NELL1: variants seen among roughly 807,000 people sequenced by gnomAD.
NELL1 encodes the protein neural EGFL like 1, also known as protein kinase C-binding protein NELL1.
A neutral mutation model predicts 107.4 loss-of-function variants in NELL1; 76 were observed. The ratio of observed to expected loss-of-function variants is 0.71; its 90% CI spans 0.59 to 0.86. The LOEUF is 0.86. Ranked by LOEUF, NELL1 falls within the 40% of genes least tolerant of loss-of-function variation. The pLI, the probability that NELL1 is intolerant of heterozygous loss-of-function variation, is 0.00. For missense variants in NELL1, 1,024 were observed against 1,005.5 expected (o/e 1.02, Z -0.25); for synonymous variants, 353 against 341.2 (o/e 1.03, Z -0.38).
intron 15 of NELL1, among the ~76,000 whole-genome samples, chr11:21,409,374 T>C (rs1188732688): frequency 2.0e-5 from 3 of 151,890 alleles, no homozygotes; most frequent in Non-Finnish European, 2.9e-5. Context: ...AGGTGGGAAT[T>C]GAACAATGAG....
At chr11:20,880,973 A>C (rs1307662798) in intron 4 of NELL1, among the ~76,000 whole-genome samples, 1 of 152,182 alleles carries the variant, frequency 6.6e-6, no homozygotes, top group Non-Finnish European at 1.5e-5. Context: ...AGTGGGGCAC[A>C]ACCTTTCCAC....
At chr11:20,794,349 G>A (rs74604750) in intron 3 of NELL1, among the ~76,000 whole-genome samples, 5,106 of 152,228 alleles carry the variant, frequency 0.034, 274 homozygotes, top group African/African-American at 0.12. Context: ...GGTTTCTCCA[G>A]GTAATAATCT....
rs938543083 is a variant in NELL1, at chr11:20,810,523, T to C, written c.335+26693T>C. ...CTTAGAATAATAGTCTCCAATCTCA[T>C]CCAGATCACTGCAAATGCTGTTAAT... On this transcript the variant is annotated intron_variant, in intron 3 of 19. Transcript: ENST00000357134. Among the ~76,000 whole-genome samples, 5 of 152,362 alleles carry C rather than the reference T, an allele frequency of 3.3e-5. No individual in the cohort carries two copies. In the East Asian group the frequency reaches 9.6e-4, roughly 29 times the overall value.
At chr11:21,289,012 GCTTAATGCC>G (rs758483992) in intron 14 of NELL1, among the ~76,000 whole-genome samples, 1 of 152,170 alleles carries the variant, frequency 6.6e-6, no homozygotes, top group Non-Finnish European at 1.5e-5. Flanking sequence ...CATGAAAGTT[GCTTAATGCC>G]CTTTCTACTA....
chr11:20,918,300 A>G, intron 6 of NELL1, 46 bp downstream of exon 6: 1 of 1,168,498 alleles, frequency 8.6e-7, no homozygotes, highest in Non-Finnish European at 1.3e-6. Flanking sequence ...TAACTTGTTG[A>G]TTGTATCAGA....
At chr11:21,213,438 A>AT (rs772297678) in intron 13 of NELL1, among the ~76,000 whole-genome samples, 37 of 152,130 alleles carry the variant, frequency 2.4e-4, no homozygotes, top group Admixed American at 3.3e-4. Flanking sequence ...AATATTAAGG[A>AT]TTTTTTTATA....
At chr11:20,990,787 G>GT (rs1554955356) in intron 12 of NELL1, among the ~76,000 whole-genome samples, 1 of 152,116 alleles carries the variant, frequency 6.6e-6, no homozygotes, top group Non-Finnish European at 1.5e-5. Context: ...GCACCTAATT[G>GT]TTTTTTTAAC....
intron 4 of NELL1, among the ~76,000 whole-genome samples, chr11:20,867,360 G>A (rs1231877706): frequency 6.6e-6 from 1 of 152,152 alleles, no homozygotes; most frequent in African/African-American, 2.4e-5. Context: ...GAAAGCAGCT[G>A]GGCACATAGT....
At chr11:20,839,232 G>C (rs978965587) in intron 3 of NELL1, among the ~76,000 whole-genome samples, 1 of 152,130 alleles carries the variant, frequency 6.6e-6, no homozygotes, top group Non-Finnish European at 1.5e-5. Flanking sequence ...GAACAGTTTT[G>C]AATGGGCATA....
intron 14 of NELL1, among the ~76,000 whole-genome samples, chr11:21,257,195 C>G (rs1858791513): frequency 6.6e-6 from 1 of 151,916 alleles, no homozygotes; most frequent in Non-Finnish European, 1.5e-5. Context: ...TAGAACTCTT[C>G]ATGTTCCAGT....
intron 2 of NELL1, among the ~76,000 whole-genome samples, chr11:20,757,954 T>C (rs1024018147): frequency 2.0e-5 from 3 of 152,172 alleles, no homozygotes; most frequent in Non-Finnish European, 4.4e-5. Context: ...TTCAGCATGG[T>C]CAGGTTCTGG....
chr11:21,452,475 T>G (rs1853612169), intron 15 of NELL1, among the ~76,000 whole-genome samples: 1 of 152,114 alleles, frequency 6.6e-6, no homozygotes, highest in African/African-American at 2.4e-5. Flanking sequence ...TTTATTGACA[T>G]ACAGTTTTTT....
chr11:20,762,100 T>C (rs561609021), intron 2 of NELL1, among the ~76,000 whole-genome samples: 2 of 152,188 alleles, frequency 1.3e-5, no homozygotes, highest in Non-Finnish European at 2.9e-5. Flanking sequence ...TTAGAGTCAA[T>C]TGTTTGATGT....
intron 14 of NELL1, among the ~76,000 whole-genome samples, chr11:21,325,122 A>G (rs903803024): frequency 3.3e-5 from 5 of 152,252 alleles, no homozygotes; most frequent in Admixed American, 2.6e-4. Context: ...TAAAATACAA[A>G]AAAGTACAAA....
Position 21,213,925 on chromosome 11 carries a change from C to T in NELL1, c.1427-15407C>T, listed in dbSNP as rs563800619. On this transcript the variant is annotated intron_variant, in intron 13 of 19. Coordinates refer to ENST00000357134, the MANE Select transcript of NELL1 (RefSeq NM_006157.5). ...TGGAACCTAAGGTTAGAGAAGAGTT[C>T]TTGGACATTACATTAAAAGCACTAT... Among the ~76,000 whole-genome samples, 7 of 152,192 alleles carry T rather than the reference C, an allele frequency of 4.6e-5. No individual in the cohort carries two copies. The East Asian group carries it at 7.7e-4, about 17-fold the overall frequency.
intron 14 of NELL1, among the ~76,000 whole-genome samples, chr11:21,254,860 T>A (rs1255611951): frequency 6.6e-6 from 1 of 152,124 alleles, no homozygotes; most frequent in Non-Finnish European, 1.5e-5. Flanking sequence ...TGTGGTTGCA[T>A]GGAGTTCAGA....
At chr11:20,904,802 A>C (rs1448280778) in intron 5 of NELL1, among the ~76,000 whole-genome samples, 2 of 150,606 alleles carry the variant, frequency 1.3e-5, no homozygotes, top group Non-Finnish European at 3.0e-5. Context: ...CCCTGTCAAA[A>C]TTTTTTTTTA....
At chr11:20,850,882 TA>T (rs1306175662) in intron 4 of NELL1, among the ~76,000 whole-genome samples, 3 of 152,208 alleles carry the variant, frequency 2.0e-5, no homozygotes, top group African/African-American at 7.2e-5. Flanking sequence ...ACAGTTTTAC[TA>T]GATGCATTTT....
chr11:21,372,029 A>T lies in NELL1; in HGVS notation c.1645+1081A>T, dbSNP rs114780452. On this transcript the variant is annotated intron_variant, in intron 15 of 19. Coordinates refer to ENST00000357134, the MANE Select transcript of NELL1 (RefSeq NM_006157.5). The stretch of plus-strand genomic sequence containing the variant: ...AGGTAACTAAAATTGTTCAGTAAGG[A>T]AGTCAGTGAACAATATTTGCACCAC... 5.9e-3 allele frequency among the ~76,000 whole-genome samples: 902 copies of T among 152,196 alleles called. 4 individuals are homozygous for T. The highest frequency in any genetic ancestry group is 0.02 in the African/African-American group (843 of 41,562).
Sources: allele counts gnomAD v4.1 joint callset (sites outside exome capture counted in the v4.1 genomes callset), GRCh38; gene constraint gnomAD v4.1.1; transcripts MANE v1.5; gene names NCBI Gene and HGNC (gene_info 2026-07-23, HGNC 2026-07-21).